The following SGCG variants were observed in gnomAD, a reference collection of about 807,000 sequenced individuals.
The protein encoded by SGCG is sarcoglycan gamma, also known as gamma-sarcoglycan.
In SGCG, 26 loss-of-function variants were observed where a neutral mutation model predicts 29.3. That is an observed-to-expected ratio of 0.89 (90% CI 0.65 to 1.23). The LOEUF (loss-of-function observed/expected upper bound fraction) is 1.23. Among genes scored for constraint, SGCG ranks in the 50% most tolerant of loss-of-function variants. SGCG has a pLI of 0.00. For missense variants in SGCG, 353 were observed against 356.0 expected, an observed-to-expected ratio of 0.99 and a Z score of 0.07; for synonymous variants, 145 against 129.7, an observed-to-expected ratio of 1.12 and a Z score of -0.80.
At chr13:23,315,133 G>A (rs181564908) in intron 6 of SGCG, among the ~76,000 whole-genome samples, 130 of 152,320 alleles carry the variant, frequency 8.5e-4, no homozygotes, top group Middle Eastern at 3.4e-3. Flanking sequence ...AGGCCTCTAG[G>A]ATTTTGGAGC....
intron 5 of SGCG, among the ~76,000 whole-genome samples, chr13:23,288,637 C>G (rs958653607): frequency 2.0e-5 from 3 of 152,160 alleles, no homozygotes; most frequent in Admixed American, 1.3e-4. Flanking sequence ...ATCTTCCTCC[C>G]CCACAAAATT....
intron 1 of SGCG, among the ~76,000 whole-genome samples, chr13:23,200,658 A>G (rs1877707573): frequency 6.6e-6 from 1 of 152,122 alleles, no homozygotes; most frequent in Admixed American, 6.5e-5. Flanking sequence ...TGGGGAGTTA[A>G]GTGCTACAGA....
At chr13:23,161,954 A>C in the SGCG span, among the ~76,000 whole-genome samples, 2 of 152,264 alleles carry the variant, frequency 1.3e-5, no homozygotes, top group South Asian at 4.1e-4. Flanking sequence ...GTACTCTGTC[A>C]ATCTTTCTTA....
the SGCG span, among the ~76,000 whole-genome samples, chr13:23,172,491 G>C: frequency 2.0e-5 from 3 of 152,008 alleles, no homozygotes; most frequent in East Asian, 3.9e-4. Flanking sequence ...ACTACCACTA[G>C]GTCTCTTCCA....
At chr13:23,176,645 C>T (rs183857395), upstream of SGCG, among the ~76,000 whole-genome samples, 1 of 152,172 alleles carries the variant, frequency 6.6e-6, no homozygotes, top group East Asian at 1.9e-4. Context: ...CAATAAGTCT[C>T]TTGTGGGCAG....
chr13:23,248,600 A>T lies in SGCG; in HGVS notation c.298-2030A>T, dbSNP rs182451026. Among the ~76,000 whole-genome samples, 556 of 151,574 alleles carry T rather than the reference A, an allele frequency of 3.7e-3. 5 individuals carry two copies. Among genetic ancestry groups the T allele is most frequent in the African/African-American group, 0.013 (526 of 41,388 alleles). ...TCCCAGCTCTTCCGGAGGCTGAGGC[A>T]GGAGAATGGCGGGAACCCGGGAGGC... On this transcript the variant is annotated intron_variant, in intron 3 of 7. Transcript: ENST00000218867.
chr13:23,250,600 AT>A lies in SGCG; in HGVS notation c.298-26del, dbSNP rs1246111329. ...GATATAATCATTTTAAACAGCACCT[AT>A]TTTGCAAATTTTATAAATCTCTTTC... On this transcript the variant is annotated intron_variant, in intron 3 of 7. Transcript: ENST00000218867. 3 of 1,213,838 alleles carry A rather than the reference AT, an allele frequency of 2.5e-6. No individual in the cohort carries two copies. The African/African-American group carries it at 4.5e-5, about 18-fold the overall frequency. 75.2% of individuals were successfully genotyped at this position (1,213,838 alleles called of 1,614,324 possible).
At chr13:23,296,007 G>A (rs1004468534) in intron 6 of SGCG, among the ~76,000 whole-genome samples, 14 of 152,152 alleles carry the variant, frequency 9.2e-5, no homozygotes, top group Middle Eastern at 3.2e-3. Context: ...CCCCCTCCCC[G>A]AGGAGACCTC....
chr13:23,255,717 C>T (rs1369948950), intron 4 of SGCG, among the ~76,000 whole-genome samples: 4 of 151,972 alleles, frequency 2.6e-5, no homozygotes, highest in East Asian at 1.9e-4. Flanking sequence ...GTTTAAGAGT[C>T]GGGGTTTTAA....
In SGCG at chr13:23,194,682, A is replaced by G. The variant is rs74890929; in HGVS notation, c.1-9013A>G. On this transcript the variant is annotated intron_variant, in intron 1 of 7. Coordinates refer to ENST00000218867, the MANE Select transcript of SGCG (RefSeq NM_000231.3). ...TTGTGTCCCATGACTTCCTAATGGT[A>G]TTCACCATGTCTGGATTGATGACAT... Among the ~76,000 whole-genome samples the G allele has an allele frequency of 5.8e-3, 887 of 152,250 alleles. 3 individuals are homozygous for G. The highest frequency in any genetic ancestry group is 0.01 in the Non-Finnish European group (707 of 68,010).
At chr13:23,268,990 A>T (rs1031831236) in intron 4 of SGCG, 1 of 152,152 alleles carries the variant, frequency 6.6e-6, no homozygotes, top group Non-Finnish European at 1.5e-5. Flanking sequence ...AAGAAAACCA[A>T]TATGAGTGCA....
intron 2 of SGCG, among the ~76,000 whole-genome samples, chr13:23,229,952 A>AT (rs1215750635): frequency 6.6e-6 from 1 of 151,842 alleles, no homozygotes; most frequent in Non-Finnish European, 1.5e-5. Flanking sequence ...TCTTGAGTTG[A>AT]TTTTTTTTAT....
intron 6 of SGCG, among the ~76,000 whole-genome samples, chr13:23,312,910 G>A (rs996840429): frequency 6.6e-6 from 1 of 152,064 alleles, no homozygotes; most frequent in Non-Finnish European, 1.5e-5. Flanking sequence ...TTTAGTCTTA[G>A]TGCTGAGTAC....
intron 2 of SGCG, among the ~76,000 whole-genome samples, chr13:23,205,172 CTA>C (rs1348484779): frequency 4.6e-5 from 7 of 152,136 alleles, no homozygotes; most frequent in Non-Finnish European, 7.4e-5. Flanking sequence ...CATAAAATCA[CTA>C]TTTCTACAGC....
intron 6 of SGCG, 117 bp downstream of exon 6, chr13:23,295,604 T>C (rs1245234461): frequency 1.4e-5 from 11 of 801,324 alleles, no homozygotes; most frequent in Non-Finnish European, 2.2e-5. Context: ...CAGTTGCCTT[T>C]ATTTTCAAGA....
intron 3 of SGCG, among the ~76,000 whole-genome samples, chr13:23,241,125 G>C (rs1593191813): frequency 6.8e-6 from 1 of 147,606 alleles, no homozygotes; most frequent in African/African-American, 2.5e-5. Context: ...CTCCAGCCTG[G>C]GTGACGGAGC....
intron 5 of SGCG, among the ~76,000 whole-genome samples, chr13:23,281,826 C>G (rs1881316145): frequency 6.6e-6 from 1 of 152,192 alleles, no homozygotes. Flanking sequence ...GCTCGCTGGC[C>G]CACTGCTCAC....
At position 23,295,467 on chromosome 13, in the gene SGCG, C is replaced by T. The variant is rs766503990; in HGVS notation, c.558C>T (p.Ala186=). ...EHSVETPLVR[A]DPFQDLRLES... Reference sequence around the variant, plus strand: ...CAGTGGAGACACCCCTTGTCAGAGCCGACCCGTTTCAAGACCTTAGGTAAG... The same window carrying T: ...CAGTGGAGACACCCCTTGTCAGAGCTGACCCGTTTCAAGACCTTAGGTAAG... The change falls in exon 6 of 8, where the codon GCC becomes GCT. Residue 186 remains alanine, a synonymous_variant. Coordinates refer to ENST00000218867, the MANE Select transcript of SGCG (RefSeq NM_000231.3). 20 of 1,613,794 alleles carry T rather than the reference C, an allele frequency of 1.2e-5. No homozygotes were observed. Among genetic ancestry groups the T allele is most frequent in the Middle Eastern group, 1.6e-4 (1 of 6,062 alleles).
chr13:23,183,700 G>A (rs913359746), intron 1 of SGCG, among the ~76,000 whole-genome samples: 1 of 151,692 alleles, frequency 6.6e-6, no homozygotes, highest in African/African-American at 2.4e-5. Context: ...ACAGAGTCTC[G>A]CTCTATCGCC....
Sources: gnomAD v4.1 joint callset for allele counts (sites outside exome capture counted in the v4.1 genomes callset) on GRCh38, gnomAD v4.1.1 for gene constraint, MANE v1.5 for transcripts, NCBI Gene and HGNC (gene_info 2026-07-23, HGNC 2026-07-21) for gene names.